Variants in FOXP1 observed in about 807,000 individuals in gnomAD.
FOXP1 encodes the protein forkhead box P1.
A neutral mutation model predicts 98.2 loss-of-function variants in FOXP1; 15 were observed. The ratio of observed to expected loss-of-function variants is 0.15; its 90% CI spans 0.10 to 0.24. FOXP1 has a LOEUF of 0.24. Among genes scored for constraint, FOXP1 ranks in the 10% least tolerant of loss-of-function variants. FOXP1 has a pLI of 1.00. For missense variants in FOXP1, 633 were observed against 848.5 expected (o/e 0.75, Z 3.15); for synonymous variants, 371 against 314.5 (o/e 1.18, Z -1.90).
Position 70,965,971 on chromosome 3 carries a change from C to G in FOXP1, c.1808G>C (p.Arg603Pro). 6.2e-7 allele frequency: 1 copy of G among 1,614,094 alleles called. No homozygotes were observed. Residue 603 changes from arginine (R) to proline (P), a missense_variant, in exon 20 of 21, where the codon CGG (arginine) becomes CCG (proline). Coordinates refer to ENST00000649528, the MANE Select transcript of FOXP1 (RefSeq NM_001349338.3). ...PTLGNLASAI[R>P]EELNGAMEHT... is the part of the protein sequence containing the mutation. Reference sequence around the variant, plus strand: ...CTCCATTGCCCCGTTCAGCTCTTCCCGTATTGCGCTGGCTAAGTTGCCCAG... The same window carrying G: ...CTCCATTGCCCCGTTCAGCTCTTCCGGTATTGCGCTGGCTAAGTTGCCCAG...
intron 7 of FOXP1, among the ~76,000 whole-genome samples, chr3:71,056,792 C>A (rs551644172): frequency 6.6e-6 from 1 of 151,496 alleles, no homozygotes; most frequent in African/African-American, 2.4e-5. Flanking sequence ...TCAAATAGAC[C>A]AGAAACTATG....
chr3:71,300,444 G>C (rs895840957), intron 4 of FOXP1, among the ~76,000 whole-genome samples: 8 of 152,230 alleles, frequency 5.3e-5, no homozygotes, highest in African/African-American at 1.9e-4. Context: ...CTCTTACCAT[G>C]TATCTACCGG....
At chr3:71,197,719 G>A (rs1286419954) in intron 6 of FOXP1, among the ~76,000 whole-genome samples, 1 of 152,164 alleles carries the variant, frequency 6.6e-6, no homozygotes, top group East Asian at 1.9e-4. Flanking sequence ...TGTTTTGGCT[G>A]TTATCTCGCC....
At chr3:71,340,131 C>A (rs989785825) in intron 4 of FOXP1, among the ~76,000 whole-genome samples, 3 of 152,092 alleles carry the variant, frequency 2.0e-5, no homozygotes, top group African/African-American at 7.2e-5. Context: ...GCGTAGATAA[C>A]CCCCTGCCCC....
At chr3:71,046,804 A>G (rs1476900002) in intron 10 of FOXP1, 138 bp downstream of exon 10, 4 of 1,057,710 alleles carry the variant, frequency 3.8e-6, no homozygotes, top group Non-Finnish European at 5.9e-6. Flanking sequence ...GTCCATCATT[A>G]TCCCACTCCA....
rs578110409 is a variant in FOXP1, at chr3:71,549,368, A to G, written c.-298+32181T>C. On this transcript the variant is annotated intron_variant, in intron 2 of 20. Transcript: ENST00000649528. ...TGTTTTTAGACTCCAAAATACATAT[A>G]CTTTATTATTTAAAAAAATTTTTTG... Among the ~76,000 whole-genome samples the G allele has an allele frequency of 2.0e-5, 3 of 152,230 alleles. No individual in the cohort carries two copies. The East Asian group carries it at 5.8e-4, about 29-fold the overall frequency.
chr3:71,450,114 T>G (rs564601447), intron 3 of FOXP1, among the ~76,000 whole-genome samples: 1 of 152,312 alleles, frequency 6.6e-6, no homozygotes, highest in Admixed American at 6.5e-5. Flanking sequence ...CATAAGACAT[T>G]AGAAGAGGTA....
At chr3:71,301,237 A>C (rs1305225068) in intron 4 of FOXP1, among the ~76,000 whole-genome samples, 1 of 152,202 alleles carries the variant, frequency 6.6e-6, no homozygotes, top group Non-Finnish European at 1.5e-5. Flanking sequence ...AAAACAATTC[A>C]AATTGAAAAT....
chr3:71,302,777 T>A (rs143943623), intron 4 of FOXP1: 1 of 152,262 alleles, frequency 6.6e-6, no homozygotes, highest in Admixed American at 6.5e-5. Context: ...TCACTATTGA[T>A]TGCAACAGTA....
chr3:71,502,092 G>C (rs147081673), intron 2 of FOXP1, among the ~76,000 whole-genome samples: 1 of 152,318 alleles, frequency 6.6e-6, no homozygotes, highest in African/African-American at 2.4e-5. Flanking sequence ...TCTATAACAA[G>C]TTGCTCTTTA....
chr3:71,412,170 C>T (rs1201856386), intron 3 of FOXP1, among the ~76,000 whole-genome samples: 3 of 152,086 alleles, frequency 2.0e-5, no homozygotes, highest in Non-Finnish European at 2.9e-5. Flanking sequence ...AGGGACAGGT[C>T]GCATGGTGTA....
intron 6 of FOXP1, among the ~76,000 whole-genome samples, chr3:71,153,073 T>C (rs2060651209): frequency 6.6e-6 from 1 of 152,220 alleles, no homozygotes; most frequent in Non-Finnish European, 1.5e-5. Context: ...ACTGAGTGCT[T>C]GCAACTGTTG....
At chr3:71,277,434 C>T (rs961824883) in intron 5 of FOXP1, among the ~76,000 whole-genome samples, 1 of 151,986 alleles carries the variant, frequency 6.6e-6, no homozygotes, top group East Asian at 1.9e-4. Context: ...ATATATACAG[C>T]ACAATTTCTT....
At chr3:71,519,803 A>G (rs1395979560) in intron 2 of FOXP1, among the ~76,000 whole-genome samples, 2 of 152,214 alleles carry the variant, frequency 1.3e-5, no homozygotes, top group Non-Finnish European at 2.9e-5. Context: ...AATCTCTATA[A>G]AGGTGCTAAC....
At chr3:71,161,056 A>G (rs2061108337) in intron 6 of FOXP1, among the ~76,000 whole-genome samples, 4 of 152,168 alleles carry the variant, frequency 2.6e-5, no homozygotes, top group Admixed American at 2.6e-4. Flanking sequence ...AGAAGCACTA[A>G]TCATTTTTGT....
intron 3 of FOXP1, among the ~76,000 whole-genome samples, chr3:71,492,181 G>A (rs997550495): frequency 6.6e-6 from 1 of 152,180 alleles, no homozygotes; most frequent in African/African-American, 2.4e-5. Flanking sequence ...GCCAGGCACA[G>A]TGGCTCACAC....
chr3:71,336,350 C>A (rs539801778), intron 4 of FOXP1, among the ~76,000 whole-genome samples: 2 of 152,202 alleles, frequency 1.3e-5, no homozygotes, highest in African/African-American at 4.8e-5. Flanking sequence ...TGGTGGTTTG[C>A]TGCACCTATC....
chr3:71,181,269 C>T (rs1421394196), intron 6 of FOXP1, among the ~76,000 whole-genome samples: 1 of 152,130 alleles, frequency 6.6e-6, no homozygotes, highest in African/African-American at 2.4e-5. Flanking sequence ...CCTTTGGGTC[C>T]CCAAGACCTC....
In FOXP1 at chr3:71,230,655, C is replaced by T. The variant is rs190153615; in HGVS notation, c.-11-32263G>A. On this transcript the variant is annotated intron_variant, in intron 5 of 20. Transcript: ENST00000649528. Reference sequence around the variant, plus strand: ...CCAAACCTGTGAGTAAAGTAATACTCGGGGAAGAAAGAAAGATTGGTGCAT... The same window carrying T: ...CCAAACCTGTGAGTAAAGTAATACTTGGGGAAGAAAGAAAGATTGGTGCAT... 3.3e-3 allele frequency among the ~76,000 whole-genome samples: 503 copies of T among 152,186 alleles called. 3 individuals are homozygous for T. The highest frequency in any genetic ancestry group is 3.8e-3 in the Non-Finnish European group (258 of 68,016).
Sources: allele counts gnomAD v4.1 joint callset (sites outside exome capture counted in the v4.1 genomes callset), GRCh38; gene constraint gnomAD v4.1.1; transcripts MANE v1.5; gene names NCBI Gene and HGNC (gene_info 2026-07-23, HGNC 2026-07-21).